Variants in ATG10 observed in about 807,000 individuals in gnomAD.
ATG10 encodes autophagy related 10.
Under a neutral mutation model 32.1 loss-of-function variants are expected in ATG10, and 30 were observed. The ratio of observed to expected loss-of-function variants is 0.94; its 90% CI spans 0.70 to 1.27. The LOEUF (loss-of-function observed/expected upper bound fraction) is 1.27, where lower values mean the gene tolerates loss of function less well. Ranked by LOEUF, ATG10 falls within the 50% of genes most tolerant of loss-of-function variation. The pLI, the probability that ATG10 is intolerant of heterozygous loss-of-function variation, is 0.00. For missense variants in ATG10, 233 were observed against 262.3 expected (o/e 0.89, Z 0.77); for synonymous variants, 87 against 91.5 (o/e 0.95, Z 0.28).
At chr5:82,017,854 T>C (rs1762331577) in intron 2 of ATG10, among the ~76,000 whole-genome samples, 1 of 152,144 alleles carries the variant, frequency 6.6e-6, no homozygotes. Flanking sequence ...ACTCTCTTAG[T>C]TCACCTTCTA....
intron 5 of ATG10, among the ~76,000 whole-genome samples, chr5:82,190,644 G>A (rs997491688): frequency 6.6e-6 from 1 of 151,482 alleles, no homozygotes; most frequent in Non-Finnish European, 1.5e-5. Context: ...GGTGGCGGGC[G>A]CCTGTAGTGC....
intron 3 of ATG10, among the ~76,000 whole-genome samples, chr5:82,092,047 A>G (rs1764905410): frequency 1.3e-5 from 2 of 152,222 alleles, no homozygotes; most frequent in African/African-American, 4.8e-5. Flanking sequence ...AAATGGATAT[A>G]TGGAGTTTTT....
intron 3 of ATG10, among the ~76,000 whole-genome samples, chr5:82,101,986 G>A (rs900282308): frequency 6.6e-6 from 1 of 152,150 alleles, no homozygotes; most frequent in African/African-American, 2.4e-5. Context: ...TCTTTTAATG[G>A]AAGGCACTGT....
At chr5:82,143,717 T>C (rs562355632) in intron 3 of ATG10, among the ~76,000 whole-genome samples, 3 of 152,338 alleles carry the variant, frequency 2.0e-5, no homozygotes, top group African/African-American at 7.2e-5. Flanking sequence ...TATCACTGTC[T>C]TCCCCTCTAG....
chr5:82,237,853 G>T (rs932265130), intron 5 of ATG10, among the ~76,000 whole-genome samples: 50 of 152,244 alleles, frequency 3.3e-4, no homozygotes, highest in African/African-American at 1.2e-3. Context: ...AATTTCATTT[G>T]ACTCAAGATC....
At chr5:82,214,449 G>C (rs1745600877) in intron 5 of ATG10, among the ~76,000 whole-genome samples, 1 of 152,108 alleles carries the variant, frequency 6.6e-6, no homozygotes, top group South Asian at 2.1e-4. Flanking sequence ...CAAAAGATTT[G>C]CAGTTGCATT....
intron 3 of ATG10, among the ~76,000 whole-genome samples, chr5:82,074,373 C>G (rs898631688): frequency 6.6e-6 from 1 of 152,034 alleles, no homozygotes; most frequent in African/African-American, 2.4e-5. Context: ...TTATAAAACC[C>G]CTTTTTTCTT....
intron 2 of ATG10, among the ~76,000 whole-genome samples, chr5:82,040,784 T>A (rs1436055959): frequency 6.6e-6 from 1 of 152,230 alleles, no homozygotes; most frequent in East Asian, 1.9e-4. Context: ...AATTTCAGCA[T>A]AAATCATTAC....
chr5:81,983,415 A>AC (rs1277743992), intron 1 of ATG10, among the ~76,000 whole-genome samples: 1 of 96,452 alleles, frequency 1.0e-5, no homozygotes, highest in Non-Finnish European at 2.1e-5. Flanking sequence ...CGGGGGGCTG[A>AC]CTCCCCCACC....
chr5:82,179,305 CA>C (rs1689238227), intron 5 of ATG10, among the ~76,000 whole-genome samples: 1 of 152,062 alleles, frequency 6.6e-6, no homozygotes, highest in Non-Finnish European at 1.5e-5. Flanking sequence ...ATTGTACATG[CA>C]GCACCAAAAC....
At chr5:82,204,489 G>C (rs774019951) in intron 5 of ATG10, among the ~76,000 whole-genome samples, 2 of 152,178 alleles carry the variant, frequency 1.3e-5, no homozygotes, top group Non-Finnish European at 2.9e-5. Context: ...CATGGTCTCT[G>C]TTCTCTTGAA....
At chr5:82,128,685 T>G (rs1766383712) in intron 3 of ATG10, among the ~76,000 whole-genome samples, 1 of 118,330 alleles carries the variant, frequency 8.5e-6, no homozygotes, top group African/African-American at 3.2e-5. Flanking sequence ...AAAGGTCTGG[T>G]TACCCACAAA....
intron 3 of ATG10, among the ~76,000 whole-genome samples, chr5:82,091,668 A>G (rs1174080478): frequency 6.6e-6 from 1 of 152,200 alleles, no homozygotes; most frequent in Non-Finnish European, 1.5e-5. Context: ...GGAGACCTGT[A>G]TGTTGACAAA....
chr5:82,074,059 A>G (rs955011183), intron 3 of ATG10, among the ~76,000 whole-genome samples: 2 of 152,210 alleles, frequency 1.3e-5, no homozygotes, highest in African/African-American at 4.8e-5. Context: ...GCTGCTCCCA[A>G]AACTGTTGAA....
intron 2 of ATG10, among the ~76,000 whole-genome samples, chr5:82,048,022 A>G (rs942832298): frequency 1.2e-4 from 18 of 146,672 alleles, no homozygotes; most frequent in Non-Finnish European, 2.5e-4. Flanking sequence ...AAGATCAGAT[A>G]GTTGTAGATA....
intron 5 of ATG10, among the ~76,000 whole-genome samples, chr5:82,221,558 C>A (rs1038979492): frequency 2.0e-5 from 3 of 152,068 alleles, no homozygotes; most frequent in African/African-American, 7.2e-5. Context: ...GGTGTGGCCA[C>A]CATCTATTAC....
chr5:82,138,281 A>G (rs1766853115), intron 3 of ATG10, among the ~76,000 whole-genome samples: 1 of 152,148 alleles, frequency 6.6e-6, no homozygotes, highest in African/African-American at 2.4e-5. Context: ...TATGAAAAAA[A>G]AACTCCTGCA....
intron 2 of ATG10, among the ~76,000 whole-genome samples, chr5:82,013,456 A>G (rs1762187595): frequency 6.6e-6 from 1 of 152,180 alleles, no homozygotes; most frequent in Non-Finnish European, 1.5e-5. Context: ...TGCAATTGCA[A>G]ATTGTGCTGC....
chr5:82,088,763 A>T (rs1026983128), intron 3 of ATG10, among the ~76,000 whole-genome samples: 4 of 152,204 alleles, frequency 2.6e-5, no homozygotes, highest in Non-Finnish European at 4.4e-5. Context: ...ATGTGGGGTA[A>T]GCTTTCTTCT....
Sources: allele counts gnomAD v4.1 joint callset (sites outside exome capture counted in the v4.1 genomes callset), GRCh38; gene constraint gnomAD v4.1.1; transcripts MANE v1.5; gene names NCBI Gene and HGNC (gene_info 2026-07-23, HGNC 2026-07-21).